Variants in ELAVL2 observed in about 807,000 individuals in gnomAD.
ELAVL2 encodes the protein ELAV like RNA binding protein 2.
ELAVL2 carries 4 observed loss-of-function variants against 34.6 expected under a neutral mutation model. The ratio of observed to expected loss-of-function variants is 0.12; its 90% CI spans 0.06 to 0.26. The LOEUF is 0.26. ELAVL2 is among the 10% of genes least tolerant of loss of function. ELAVL2 has a pLI of 1.00. For missense variants in ELAVL2, 432 were observed against 442.8 expected (o/e 0.98, Z 0.22); for synonymous variants, 193 against 154.8 (o/e 1.25, Z -1.83).
At chr9:23,770,617 G>A (rs565457217) in intron 1 of ELAVL2, among the ~76,000 whole-genome samples, 5 of 152,236 alleles carry the variant, frequency 3.3e-5, no homozygotes, top group Middle Eastern at 6.8e-3. Context: ...TTTAAATGGG[G>A]CCACCAGCCA....
In ELAVL2 at chr9:23,825,976, A is replaced by G. The variant is rs1243196118; in HGVS notation, c.-186T>C. 1 of 152,208 alleles carries G rather than the reference A, an allele frequency of 6.6e-6. No homozygotes were observed. Among genetic ancestry groups the G allele is most frequent in the Non-Finnish European group, 1.5e-5 (1 of 68,036 alleles). The allele number at this position is 152,208 out of a possible 1,614,324, so 9.4% of individuals were successfully genotyped here. ...AGAAACGCTTTCGACCCCAAAGTCC[A>G]ATGCTAAAAGAAATGGCGAAAAAAA... On this transcript the variant is annotated 5_prime_UTR_variant, in exon 1 of 7. Transcript: ENST00000397312.
the ELAVL2 span, among the ~76,000 whole-genome samples, chr9:23,840,086 T>C: frequency 6.6e-6 from 1 of 152,178 alleles, no homozygotes; most frequent in East Asian, 1.9e-4. Flanking sequence ...CTCTCCTGTG[T>C]CCTTGGTATA....
rs61441366 is a variant in ELAVL2, at chr9:23,727,578, T to C, written c.333+3444A>G. Among the ~76,000 whole-genome samples the C allele has an allele frequency of 3.8e-3, 577 of 152,184 alleles. 21 individuals are homozygous for C. The East Asian group carries it at 0.081, about 21-fold the overall frequency. ...CCCAAGTGCTAGGCCTTAGACTTGC[T>C]GTCATAAATTACCTGGGAAGCATAA... On this transcript the variant is annotated intron_variant, in intron 3 of 6. Transcript: ENST00000397312.
At chr9:23,822,527 C>T (rs2064954071) in intron 1 of ELAVL2, among the ~76,000 whole-genome samples, 1 of 152,166 alleles carries the variant, frequency 6.6e-6, no homozygotes, top group Admixed American at 6.5e-5. Context: ...TGCCTTGGCC[C>T]GCCCCTTCGC....
chr9:23,762,501 C>G (rs1353804951), intron 1 of ELAVL2, among the ~76,000 whole-genome samples: 1 of 152,128 alleles, frequency 6.6e-6, no homozygotes, highest in African/African-American at 2.4e-5. Flanking sequence ...TAAACATTTT[C>G]TAGAATCACA....
intron 1 of ELAVL2, among the ~76,000 whole-genome samples, chr9:23,780,260 T>A (rs932890778): frequency 6.6e-6 from 1 of 152,038 alleles, no homozygotes; most frequent in Non-Finnish European, 1.5e-5. Flanking sequence ...TGCATGAGAT[T>A]CAAAAATAAG....
chr9:23,783,392 C>A, intron 1 of ELAVL2: 1 of 968,876 alleles, frequency 1.0e-6, no homozygotes, highest in Non-Finnish European at 1.2e-6. Flanking sequence ...GAAAGTTAAA[C>A]TGAAGAAAAA....
At chr9:23,785,566 G>A (rs1588486981) in intron 1 of ELAVL2, among the ~76,000 whole-genome samples, 1 of 152,102 alleles carries the variant, frequency 6.6e-6, no homozygotes, top group Admixed American at 6.6e-5. Context: ...AAATAACAAG[G>A]GAGGAAACAA....
chr9:23,720,670 T>C (rs1587684278), intron 3 of ELAVL2, among the ~76,000 whole-genome samples: 1 of 152,210 alleles, frequency 6.6e-6, no homozygotes, highest in African/African-American at 2.4e-5. Flanking sequence ...TAAAAACACA[T>C]TAGTGAATCC....
chr9:23,694,764 C>A (rs2034503192), intron 5 of ELAVL2, among the ~76,000 whole-genome samples: 1 of 152,174 alleles, frequency 6.6e-6, no homozygotes, highest in Admixed American at 6.5e-5. Context: ...ACTGAAAATT[C>A]TGTTTTGTAA....
chr9:23,709,750 C>A (rs1472810919), intron 3 of ELAVL2, among the ~76,000 whole-genome samples: 1 of 152,092 alleles, frequency 6.6e-6, no homozygotes, highest in African/African-American at 2.4e-5. Flanking sequence ...ATTTTCACTG[C>A]CACTTAAACA....
upstream of ELAVL2, among the ~76,000 whole-genome samples, chr9:23,830,626 C>CACACACACACACACACACCT (rs1491521757): frequency 6.9e-5 from 5 of 72,546 alleles, no homozygotes; most frequent in South Asian, 3.9e-4. Flanking sequence ...ACACACACAC[C>CACACACACACACACACACCT]TTTTTTTTTT....
At chr9:23,757,589 A>G (rs74988770) in intron 2 of ELAVL2, among the ~76,000 whole-genome samples, 6,605 of 151,678 alleles carry the variant, frequency 0.044, 207 homozygotes, top group Middle Eastern at 0.14. Flanking sequence ...ATGCAGCATC[A>G]GCAGGTGTCA....
the ELAVL2 span, chr9:23,849,626 C>T: frequency 6.6e-6 from 1 of 152,330 alleles, no homozygotes; most frequent in South Asian, 2.1e-4. Flanking sequence ...CTTCCCTGCA[C>T]CTCTCCCCTG....
intron 1 of ELAVL2, among the ~76,000 whole-genome samples, chr9:23,775,730 C>CTTGTGTATA (rs1038428508): frequency 6.6e-6 from 1 of 152,178 alleles, no homozygotes; most frequent in African/African-American, 2.4e-5. Context: ...AGCACCCCCG[C>CTTGTGTATA]ATCATATACA....
intron 2 of ELAVL2, among the ~76,000 whole-genome samples, chr9:23,737,473 T>C (rs1388336409): frequency 6.6e-6 from 1 of 152,234 alleles, no homozygotes; most frequent in Non-Finnish European, 1.5e-5. Flanking sequence ...TTAAAAAGTG[T>C]CATCTAGAGT....
chr9:23,784,634 G>C (rs1219468892), intron 1 of ELAVL2, among the ~76,000 whole-genome samples: 1 of 152,164 alleles, frequency 6.6e-6, no homozygotes, highest in Non-Finnish European at 1.5e-5. Flanking sequence ...TTAAGCTACA[G>C]AGATCTTGAA....
intron 1 of ELAVL2, among the ~76,000 whole-genome samples, chr9:23,820,360 G>C (rs898938992): frequency 2.0e-5 from 3 of 152,172 alleles, no homozygotes; most frequent in Non-Finnish European, 4.4e-5. Context: ...TGTCCTTGCC[G>C]AAGGTATTAC....
intron 2 of ELAVL2, among the ~76,000 whole-genome samples, chr9:23,755,990 T>C (rs1001065495): frequency 3.9e-5 from 6 of 152,152 alleles, no homozygotes; most frequent in Admixed American, 3.3e-4. Context: ...GATTGACTCA[T>C]AGGAAATAAG....
Sources: allele counts gnomAD v4.1 joint callset (sites outside exome capture counted in the v4.1 genomes callset), GRCh38; gene constraint gnomAD v4.1.1; transcripts MANE v1.5; gene names NCBI Gene and HGNC (gene_info 2026-07-23, HGNC 2026-07-21).